CACNA2D3: variants seen among roughly 807,000 people sequenced by gnomAD.
The protein encoded by CACNA2D3 is voltage-dependent calcium channel subunit alpha-2/delta-3.
CACNA2D3 carries 60 observed loss-of-function variants against 160.6 expected under a neutral mutation model. That is an observed-to-expected ratio of 0.37 (90% CI 0.30 to 0.46). The LOEUF (loss-of-function observed/expected upper bound fraction) is 0.46, where lower values mean the gene tolerates loss of function less well. Among genes scored for constraint, CACNA2D3 ranks in the 20% least tolerant of loss-of-function variants. CACNA2D3 has a pLI of 1.00. For synonymous variants in CACNA2D3, 558 were observed against 492.9 expected (o/e 1.13, Z -1.75); for missense variants, 1,205 against 1,365.0 (o/e 0.88, Z 1.85).
chr3:54,902,189 A>G (rs1047604454), intron 27 of CACNA2D3, among the ~76,000 whole-genome samples: 1 of 152,180 alleles, frequency 6.6e-6, no homozygotes, highest in African/African-American at 2.4e-5. Context: ...AACTATGCAA[A>G]TAATTATCAA....
intron 16 of CACNA2D3, among the ~76,000 whole-genome samples, chr3:54,841,437 G>C (rs561157195): frequency 6.6e-6 from 1 of 152,272 alleles, no homozygotes; most frequent in South Asian, 2.1e-4. Context: ...CGTAGATATG[G>C]CATAAGTTAA....
chr3:54,171,824 C>T (rs530210940), intron 2 of CACNA2D3, among the ~76,000 whole-genome samples: 1 of 152,200 alleles, frequency 6.6e-6, no homozygotes, highest in South Asian at 2.1e-4. Context: ...CCTGTCTCTT[C>T]CCATGTCTGT....
chr3:54,792,966 C>G (rs771581421), intron 13 of CACNA2D3, among the ~76,000 whole-genome samples: 7 of 152,176 alleles, frequency 4.6e-5, no homozygotes, highest in Non-Finnish European at 1.0e-4. Context: ...CTGCTGTTTT[C>G]TACAGACTCC....
intron 5 of CACNA2D3, among the ~76,000 whole-genome samples, chr3:54,540,049 C>G (rs1701947999): frequency 6.6e-6 from 1 of 152,104 alleles, no homozygotes; most frequent in Non-Finnish European, 1.5e-5. Flanking sequence ...TTGTTTCTTC[C>G]CAAGTGAATT....
intron 2 of CACNA2D3, among the ~76,000 whole-genome samples, chr3:54,299,210 A>AT (rs147676549): frequency 0.12 from 13,491 of 113,582 alleles, 775 homozygotes; most frequent in Non-Finnish European, 0.17. Context: ...TGGTTCCATT[A>AT]TTAAAAAAAA....
At chr3:54,701,737 ATAAAC>A (rs1423130387) in intron 11 of CACNA2D3, among the ~76,000 whole-genome samples, 6 of 152,230 alleles carry the variant, frequency 3.9e-5, no homozygotes, top group African/African-American at 1.4e-4. Context: ...CAGAACTAGA[ATAAAC>A]TATTCTAAAA....
chr3:54,712,860 A>G (rs1257317547), intron 11 of CACNA2D3, among the ~76,000 whole-genome samples: 1 of 152,206 alleles, frequency 6.6e-6, no homozygotes, highest in Non-Finnish European at 1.5e-5. Flanking sequence ...CTGTGGTTGC[A>G]TTGGTCCCAT....
intron 5 of CACNA2D3, among the ~76,000 whole-genome samples, chr3:54,524,713 TTTACTC>T (rs1251948478): frequency 2.0e-5 from 3 of 152,256 alleles, no homozygotes; most frequent in African/African-American, 7.2e-5. Flanking sequence ...TCCCGACAGA[TTTACTC>T]TTTTATCATT....
At chr3:54,439,309 GT>G (rs1202015267) in intron 4 of CACNA2D3, among the ~76,000 whole-genome samples, 1,224 of 57,126 alleles carry the variant, frequency 0.021, 9 homozygotes, top group African/African-American at 0.092. Context: ...ATAAAGGAGG[GT>G]GTGTGTGTGT....
intron 11 of CACNA2D3, among the ~76,000 whole-genome samples, chr3:54,703,536 G>C (rs568871200): frequency 6.6e-6 from 1 of 152,086 alleles, no homozygotes; most frequent in African/African-American, 2.4e-5. Context: ...AAAGCATCTT[G>C]CTCAGCGCTG....
At chr3:54,304,035 C>A (rs4078006) in intron 2 of CACNA2D3, among the ~76,000 whole-genome samples, 8 of 151,820 alleles carry the variant, frequency 5.3e-5, no homozygotes, top group African/African-American at 1.9e-4. Context: ...TTTTTCTCAA[C>A]CTCTGGACTC....
chr3:54,997,770 A>G (rs371168978), intron 31 of CACNA2D3, among the ~76,000 whole-genome samples: 1 of 152,160 alleles, frequency 6.6e-6, no homozygotes, highest in Non-Finnish European at 1.5e-5. Flanking sequence ...TCCCCAGGTG[A>G]TTCCAAAGGG....
At chr3:54,520,092 C>T (rs1330859064) in intron 5 of CACNA2D3, among the ~76,000 whole-genome samples, 2 of 152,248 alleles carry the variant, frequency 1.3e-5, no homozygotes, top group Admixed American at 6.5e-5. Flanking sequence ...TACAAAAGTG[C>T]AAGTTAACTT....
chr3:54,414,308 G>A (rs1559474983), intron 4 of CACNA2D3, among the ~76,000 whole-genome samples: 1 of 151,986 alleles, frequency 6.6e-6, no homozygotes. Flanking sequence ...CATTGTTTCT[G>A]AAAACCTTAT....
At chr3:54,637,258 A>C (rs1699397065) in intron 10 of CACNA2D3, among the ~76,000 whole-genome samples, 1 of 151,800 alleles carries the variant, frequency 6.6e-6, no homozygotes, top group Non-Finnish European at 1.5e-5. Context: ...GGTAAGGGTG[A>C]TTAGGTTTTA....
At chr3:54,842,193 C>A (rs1169744470) in intron 16 of CACNA2D3, among the ~76,000 whole-genome samples, 2 of 152,154 alleles carry the variant, frequency 1.3e-5, no homozygotes, top group Non-Finnish European at 2.9e-5. Context: ...TGCCATCAAC[C>A]AACACACAAA....
At chr3:54,705,673 C>T (rs1700844383) in intron 11 of CACNA2D3, among the ~76,000 whole-genome samples, 2 of 152,148 alleles carry the variant, frequency 1.3e-5, no homozygotes, top group South Asian at 4.1e-4. Context: ...TCCCAATGTT[C>T]CTATAACTAA....
In CACNA2D3 at chr3:54,248,102, G is replaced by A. The variant is rs548914388; in HGVS notation, c.205-72340G>A. On this transcript the variant is annotated intron_variant, in intron 2 of 37. Transcript: ENST00000474759. ...CTCCCACCTCCAAAAGGTGTAGGTC[G>A]AAGCTCTGATTCCCAATGTGACTAT... Among the ~76,000 whole-genome samples the A allele has an allele frequency of 1.4e-4, 21 of 149,338 alleles. No homozygotes were observed. The South Asian group carries it at 1.5e-3, about 11-fold the overall frequency.
At chr3:54,459,268 G>A (rs368897244) in intron 4 of CACNA2D3, among the ~76,000 whole-genome samples, 1 of 149,416 alleles carries the variant, frequency 6.7e-6, no homozygotes, top group Non-Finnish European at 1.5e-5. Context: ...ATGATTTATA[G>A]TCCTTTGGGT....
Sources: allele counts gnomAD v4.1 joint callset (sites outside exome capture counted in the v4.1 genomes callset), GRCh38; gene constraint gnomAD v4.1.1; transcripts MANE v1.5; gene names NCBI Gene and HGNC (gene_info 2026-07-23, HGNC 2026-07-21).